The following NRG1 variants were observed in gnomAD, a reference collection of about 807,000 sequenced individuals.
The protein encoded by NRG1 is pro-neuregulin-1, membrane-bound isoform.
A neutral mutation model predicts 63.8 loss-of-function variants in NRG1; 18 were observed. The observed-to-expected ratio is 0.28, with a 90% CI of 0.19 to 0.42. NRG1 has a LOEUF of 0.42. Among genes scored for constraint, NRG1 ranks in the 10% least tolerant of loss-of-function variants. The pLI, the probability that NRG1 is intolerant of heterozygous loss-of-function variation, is 1.00. For missense variants in NRG1, 762 were observed against 814.7 expected (o/e 0.94, Z 0.79); for synonymous variants, 302 against 301.3 (o/e 1.00, Z -0.02).
chr8:32,363,472 G>C (rs55986591), intron 1 of NRG1, among the ~76,000 whole-genome samples: 44,383 of 152,010 alleles, frequency 0.29, 6,746 homozygotes, highest in South Asian at 0.34. Flanking sequence ...TTTCTCTAAC[G>C]GGAGTATGAT....
intron 1 of NRG1, among the ~76,000 whole-genome samples, chr8:31,710,886 T>G (rs907558025): frequency 1.8e-4 from 27 of 152,118 alleles, no homozygotes; most frequent in African/African-American, 6.0e-4. Context: ...CATGTTTGCT[T>G]TATGTTCTTT....
intron 1 of NRG1, among the ~76,000 whole-genome samples, chr8:32,225,999 C>A (rs1846280339): frequency 6.6e-6 from 1 of 152,062 alleles, no homozygotes; most frequent in African/African-American, 2.4e-5. Context: ...ATACATTTCA[C>A]TTCTCTTTAT....
intron 1 of NRG1, among the ~76,000 whole-genome samples, chr8:31,698,854 C>T (rs975389089): frequency 2.0e-5 from 3 of 152,154 alleles, no homozygotes; most frequent in Non-Finnish European, 4.4e-5. Context: ...TAATATGTTA[C>T]AGTACAACCT....
At chr8:32,672,101 G>A (rs1052570737) in intron 5 of NRG1, among the ~76,000 whole-genome samples, 1 of 151,442 alleles carries the variant, frequency 6.6e-6, no homozygotes, top group Non-Finnish European at 1.5e-5. Context: ...CTGGAGTGCA[G>A]TGGCACAATC....
intron 5 of NRG1, among the ~76,000 whole-genome samples, chr8:32,658,117 G>C (rs1213569697): frequency 6.6e-6 from 1 of 152,052 alleles, no homozygotes; most frequent in African/African-American, 2.4e-5. Context: ...AATCTTAATT[G>C]ATCTGAACTA....
chr8:32,072,906 C>G (rs1015591997), intron 1 of NRG1, among the ~76,000 whole-genome samples: 3 of 151,932 alleles, frequency 2.0e-5, no homozygotes, highest in Non-Finnish European at 4.4e-5. Flanking sequence ...TTGTTCACTT[C>G]TATTATTAAC....
chr8:32,233,170 T>C (rs1410679024), intron 1 of NRG1, among the ~76,000 whole-genome samples: 2 of 151,754 alleles, frequency 1.3e-5, no homozygotes, highest in Admixed American at 6.6e-5. Flanking sequence ...GGTGCAATTA[T>C]GGCTCACTGC....
At chr8:32,698,022 A>G (rs926465721) in intron 5 of NRG1, among the ~76,000 whole-genome samples, 1 of 152,136 alleles carries the variant, frequency 6.6e-6, no homozygotes, top group Non-Finnish European at 1.5e-5. Context: ...CCTGGCCAAC[A>G]TGGTGAAATC....
intron 1 of NRG1, among the ~76,000 whole-genome samples, chr8:32,431,234 G>A (rs910870604): frequency 9.2e-5 from 14 of 152,104 alleles, no homozygotes; most frequent in South Asian, 2.1e-4. Flanking sequence ...TATATCAAGT[G>A]AACTGTGTAA....
At chr8:32,629,760 C>T (rs1055030224) in intron 5 of NRG1, among the ~76,000 whole-genome samples, 100 of 152,006 alleles carry the variant, frequency 6.6e-4, no homozygotes, top group African/African-American at 2.2e-3. Flanking sequence ...AAATCAGTTT[C>T]TCCTTTGATA....
rs140422393 is a variant in NRG1 at position 31,780,038 on chromosome 8, G to A, written c.37+140607G>A. On this transcript the variant is annotated intron_variant, in intron 1 of 10. Transcript: ENST00000519301. The stretch of plus-strand genomic sequence containing the variant: ...AGACACCTGAGGCTCTCTGATACCC[G>A]CAGGTCATTGCTATGTCCTAGGAAA... Among the ~76,000 whole-genome samples the A allele has an allele frequency of 4.6e-5, 7 of 152,212 alleles. No individual in the cohort carries two copies. In the East Asian group the frequency reaches 9.7e-4, roughly 21 times the overall value.
intron 1 of NRG1, among the ~76,000 whole-genome samples, chr8:32,196,943 C>CTTTTT (rs773398472): frequency 0.014 from 395 of 27,432 alleles, 124 homozygotes; most frequent in Non-Finnish European, 0.018. Flanking sequence ...TCAGAACATT[C>CTTTTT]TTTTTTTTTT....
chr8:32,580,129 G>A (rs536720380), intron 1 of NRG1, among the ~76,000 whole-genome samples: 1 of 152,276 alleles, frequency 6.6e-6, no homozygotes, highest in African/African-American at 2.4e-5. Flanking sequence ...ATGGATTTTG[G>A]TATCTGCAGG....
chr8:32,171,169 G>T (rs542748797), intron 1 of NRG1, among the ~76,000 whole-genome samples: 1 of 151,874 alleles, frequency 6.6e-6, no homozygotes, highest in Non-Finnish European at 1.5e-5. Flanking sequence ...TTTTTAGGAA[G>T]AAAAAAACAT....
At chr8:32,011,853 T>TG (rs1814814414) in intron 1 of NRG1, among the ~76,000 whole-genome samples, 1 of 152,108 alleles carries the variant, frequency 6.6e-6, no homozygotes, top group Admixed American at 6.6e-5. Context: ...ATTTTATTCA[T>TG]AGTTTGTGCT....
intron 1 of NRG1, among the ~76,000 whole-genome samples, chr8:31,798,977 A>C (rs996224080): frequency 3.9e-5 from 6 of 152,124 alleles, no homozygotes; most frequent in African/African-American, 1.4e-4. Flanking sequence ...GCTGAACATC[A>C]TTTTATTTGG....
chr8:32,660,454 A>G (rs189900769), intron 5 of NRG1, among the ~76,000 whole-genome samples: 28 of 152,378 alleles, frequency 1.8e-4, no homozygotes, highest in Admixed American at 5.2e-4. Context: ...GAAGAATTCA[A>G]TATAGAGTTT....
At chr8:31,933,864 A>G (rs1483171163) in intron 1 of NRG1, among the ~76,000 whole-genome samples, 1 of 152,198 alleles carries the variant, frequency 6.6e-6, no homozygotes, top group African/African-American at 2.4e-5. Flanking sequence ...AGTAACATTG[A>G]ATATTCCTAG....
intron 1 of NRG1, among the ~76,000 whole-genome samples, chr8:31,674,831 T>C (rs1807515290): frequency 6.6e-6 from 1 of 152,228 alleles, no homozygotes; most frequent in Admixed American, 6.5e-5. Context: ...TTTCTTCACA[T>C]TCATCTTTGC....
Sources: gnomAD v4.1 joint callset for allele counts (sites outside exome capture counted in the v4.1 genomes callset) on GRCh38, gnomAD v4.1.1 for gene constraint, MANE v1.5 for transcripts, NCBI Gene and HGNC (gene_info 2026-07-23, HGNC 2026-07-21) for gene names.